Variants in KCNC2 observed in about 807,000 individuals in gnomAD.
The protein encoded by KCNC2 is voltage-gated potassium channel KCNC2.
A neutral mutation model predicts 44.5 loss-of-function variants in KCNC2; 21 were observed. That is an observed-to-expected ratio of 0.47 (90% CI 0.33 to 0.68). The LOEUF is 0.68. KCNC2 is among the 30% of genes least tolerant of loss of function. The pLI, the probability that KCNC2 is intolerant of heterozygous loss-of-function variation, is 0.01. For missense variants in KCNC2, 589 were observed against 826.2 expected, an observed-to-expected ratio of 0.71 and a Z score of 3.52; for synonymous variants, 391 against 339.1, an observed-to-expected ratio of 1.15 and a Z score of -1.68.
At chr12:75,175,482 A>G (rs376544709) in intron 2 of KCNC2, among the ~76,000 whole-genome samples, 1 of 152,044 alleles carries the variant, frequency 6.6e-6, no homozygotes, top group Non-Finnish European at 1.5e-5. Context: ...TGCCCAGGAC[A>G]TGACAGAATT....
chr12:75,114,811 G>C (rs1221304142), intron 2 of KCNC2, among the ~76,000 whole-genome samples: 1 of 147,792 alleles, frequency 6.8e-6, no homozygotes, highest in East Asian at 2.0e-4. Context: ...TATTTGTGTT[G>C]CCTTAGTCCT....
chr12:75,121,537 T>G (rs1888045819), intron 2 of KCNC2, among the ~76,000 whole-genome samples: 1 of 152,226 alleles, frequency 6.6e-6, no homozygotes, highest in South Asian at 2.1e-4. Flanking sequence ...CCTGAGGAAG[T>G]GATTGCCTTT....
chr12:75,198,497 C>A (rs1042738961), intron 2 of KCNC2, among the ~76,000 whole-genome samples: 1 of 151,824 alleles, frequency 6.6e-6, no homozygotes, highest in Non-Finnish European at 1.5e-5. Context: ...CCTCTCATTG[C>A]TCCTACAAGA....
intron 2 of KCNC2, among the ~76,000 whole-genome samples, chr12:75,138,289 T>C (rs1409371418): frequency 1.3e-5 from 2 of 152,206 alleles, no homozygotes; most frequent in Non-Finnish European, 2.9e-5. Context: ...CCACTGATTG[T>C]TCTCACTTTC....
chr12:75,091,351 G>A (rs921353082), intron 2 of KCNC2, among the ~76,000 whole-genome samples: 2 of 151,436 alleles, frequency 1.3e-5, no homozygotes, highest in African/African-American at 4.8e-5. Flanking sequence ...CTGCCTTTTG[G>A]CCTCATGAAG....
rs74927376 is a variant in KCNC2 at position 75,144,930 on chromosome 12, G to A, written c.687+62367C>T. On this transcript the variant is annotated intron_variant, in intron 2 of 4. Transcript: ENST00000549446. Reference sequence around the variant, plus strand: ...AACTCCAAATCTCATTAAACTTACAGTCAAGTGGATGAGAGAGTAAAAAAA... The same window carrying A: ...AACTCCAAATCTCATTAAACTTACAATCAAGTGGATGAGAGAGTAAAAAAA... Among the ~76,000 whole-genome samples the A allele has an allele frequency of 4.5e-3, 683 of 151,584 alleles. 3 individuals are homozygous for A. Among genetic ancestry groups the A allele is most frequent in the African/African-American group, 0.015 (627 of 41,282 alleles).
At chr12:75,143,652 A>G (rs1889814718) in intron 2 of KCNC2, among the ~76,000 whole-genome samples, 1 of 152,168 alleles carries the variant, frequency 6.6e-6, no homozygotes. Context: ...CCCTGACTTT[A>G]TGACATAAAA....
At chr12:75,186,471 CAT>C (rs531911862) in intron 2 of KCNC2, among the ~76,000 whole-genome samples, 254 of 152,204 alleles carry the variant, frequency 1.7e-3, no homozygotes, top group African/African-American at 5.8e-3. Flanking sequence ...AATATTCTAT[CAT>C]GTGGATTGTT....
intron 2 of KCNC2, among the ~76,000 whole-genome samples, chr12:75,106,784 A>G (rs1319536524): frequency 6.6e-6 from 1 of 152,184 alleles, no homozygotes; most frequent in Non-Finnish European, 1.5e-5. Context: ...TATTATTCTT[A>G]TCCCTATACT....
Position 75,050,800 on chromosome 12 carries a change from T to C in KCNC2, c.1205A>G (p.Tyr402Cys). 3.1e-6 allele frequency: 5 copies of C among 1,613,466 alleles called. No individual in the cohort carries two copies. The highest frequency in any genetic ancestry group is 4.2e-6 in the Non-Finnish European group (5 of 1,179,840). ...GVLIFATMIY[Y>C]AERVGAQPND... ...AGGTTGAGCTCCCACTCTCTCGGCA[T>C]AGTAGATCATGGTAGCAAATATCAA... The change falls in exon 3 of 5, where the codon TAT (tyrosine) becomes TGT (cysteine). Residue 402 changes from tyrosine to cysteine, a missense_variant. Transcript: ENST00000549446.
chr12:75,182,591 T>C (rs1892679743), intron 2 of KCNC2, among the ~76,000 whole-genome samples: 1 of 150,904 alleles, frequency 6.6e-6, no homozygotes, highest in African/African-American at 2.4e-5. Flanking sequence ...TATGATACTC[T>C]CTAAGGTTTT....
chr12:75,176,453 A>C (rs554484785), intron 2 of KCNC2, among the ~76,000 whole-genome samples: 1 of 152,040 alleles, frequency 6.6e-6, no homozygotes, highest in African/African-American at 2.4e-5. Flanking sequence ...ATGGACTACA[A>C]GCCCTGTAAG....
chr12:75,185,827 C>T (rs1439999595), intron 2 of KCNC2, among the ~76,000 whole-genome samples: 1 of 151,988 alleles, frequency 6.6e-6, no homozygotes, highest in Non-Finnish European at 1.5e-5. Context: ...AGGTGGATCA[C>T]CTGAGGTCAG....
chr12:75,062,056 T>C (rs1337816088), intron 2 of KCNC2, among the ~76,000 whole-genome samples: 1 of 152,100 alleles, frequency 6.6e-6, no homozygotes, highest in Non-Finnish European at 1.5e-5. Flanking sequence ...ATAACACTAA[T>C]AGATAAAATT....
intron 2 of KCNC2, among the ~76,000 whole-genome samples, chr12:75,083,668 A>G (rs1014393271): frequency 2.0e-5 from 3 of 151,992 alleles, no homozygotes; most frequent in Non-Finnish European, 4.4e-5. Context: ...TATAGTTTAT[A>G]TAAGCAAGAT....
Position 75,137,001 on chromosome 12 carries a change from A to G in KCNC2, c.687+70296T>C, listed in dbSNP as rs11180377. Reference sequence around the variant, plus strand: ...CAAATTTGCAATTATAACCTGCTCTATTTTCCTCTTATTCCTTCCCAACTC... The same window carrying G: ...CAAATTTGCAATTATAACCTGCTCTGTTTTCCTCTTATTCCTTCCCAACTC... On this transcript the variant is annotated intron_variant, in intron 2 of 4. Transcript: ENST00000549446. 9.4e-3 allele frequency among the ~76,000 whole-genome samples: 1,425 copies of G among 152,038 alleles called. 25 individuals are homozygous for G. Among genetic ancestry groups the G allele is most frequent in the African/African-American group, 0.032 (1,338 of 41,486 alleles).
intron 2 of KCNC2, among the ~76,000 whole-genome samples, chr12:75,161,525 T>C (rs186584713): frequency 2.6e-5 from 4 of 151,868 alleles, no homozygotes; most frequent in Admixed American, 2.6e-4. Flanking sequence ...AACATGAAAT[T>C]AAACCATCCC....
rs747446735 is a variant in KCNC2, at chr12:75,042,397, A to G, written c.*708T>C. On this transcript the variant is annotated 3_prime_UTR_variant, in exon 5 of 5. Coordinates refer to ENST00000549446, the MANE Select transcript of KCNC2 (RefSeq NM_139137.4). ...TATCTGTGTGCAAACAACCAGAGAC[A>G]TTCAGAACTCCAATACAGCATTTTT... is the stretch of plus-strand genomic sequence containing the variant. The G allele has an allele frequency of 1.9e-6, 3 of 1,608,470 alleles. No homozygotes were observed. In the South Asian group the frequency reaches 3.3e-5, roughly 18 times the overall value.
At chr12:75,067,819 G>T (rs1368515486) in intron 2 of KCNC2, among the ~76,000 whole-genome samples, 2 of 151,804 alleles carry the variant, frequency 1.3e-5, no homozygotes, top group African/African-American at 4.8e-5. Context: ...TTATTAATTT[G>T]TCAAAGTGTA....
Sources: gnomAD v4.1 joint callset for allele counts (sites outside exome capture counted in the v4.1 genomes callset) on GRCh38, gnomAD v4.1.1 for gene constraint, MANE v1.5 for transcripts, NCBI Gene and HGNC (gene_info 2026-07-23, HGNC 2026-07-21) for gene names.